The following CRYBG2 variants were observed in gnomAD, a reference collection of about 807,000 sequenced individuals.
The protein encoded by CRYBG2 is crystallin beta-gamma domain containing 2, also known as beta/gamma crystallin domain-containing protein 2.
In CRYBG2, 106 loss-of-function variants were observed where a neutral mutation model predicts 153.4. The ratio of observed to expected loss-of-function variants is 0.69; its 90% CI spans 0.59 to 0.81. The LOEUF is 0.81. CRYBG2 is among the 30% of genes least tolerant of loss of function. The probability of loss-of-function intolerance (pLI) is 0.00; values close to 1 mark genes in which losing one functional copy is unlikely to be tolerated. For missense variants in CRYBG2, 1,996 were observed against 2,112.0 expected, an observed-to-expected ratio of 0.95 and a Z score of 1.08; for synonymous variants, 851 against 877.8, an observed-to-expected ratio of 0.97 and a Z score of 0.54.
chr1:26,327,264 G>A lies in CRYBG2; in HGVS notation c.4578+945C>T, dbSNP rs143086258. Among the ~76,000 whole-genome samples, 683 of 151,986 alleles carry A rather than the reference G, an allele frequency of 4.5e-3. 6 individuals carry two copies. The highest frequency in any genetic ancestry group is 0.016 in the African/African-American group (644 of 41,462). Reference sequence around the variant, plus strand: ...TGGGCAGATCACAAGTCAGGCGTTCGAGACCAACCTGGCCAATTACAGTGA... The same window carrying A: ...TGGGCAGATCACAAGTCAGGCGTTCAAGACCAACCTGGCCAATTACAGTGA... On this transcript the variant is annotated intron_variant, in intron 17 of 19. Transcript: ENST00000308182.
intron 18 of CRYBG2, 114 bp downstream of exon 18, chr1:26,324,038 G>C: frequency 6.2e-6 from 7 of 1,135,098 alleles, no homozygotes; most frequent in Non-Finnish European, 7.5e-6. Flanking sequence ...CTCTCCCCAG[G>C]GTCCTGGCTT....
rs1368634513 is a variant in CRYBG2, at chr1:26,322,182, G to C, written c.4879C>G (p.Gln1627Glu). ...GHICSQMFEG[Q>E]ILDVKGGRGY... ...ACCTTACCCTTCACGTCCAGGATCT[G>C]GCCTTCGAACATCTGGCTGCAGATG... is the stretch of plus-strand genomic sequence containing the variant. The change falls in exon 19 of 20, where the codon CAG becomes GAG. Residue 1627 changes from glutamine (Q) to glutamate (E), a missense_variant. Physicochemically the swap from Gln to Glu is conservative, Grantham distance 29. Coordinates refer to ENST00000308182, the MANE Select transcript of CRYBG2 (RefSeq NM_001039775.4). The C allele has an allele frequency of 6.2e-7, 1 of 1,614,044 alleles. No individual in the cohort carries two copies. The highest frequency in any genetic ancestry group is 1.3e-5 in the African/African-American group (1 of 75,054).
At chr1:26,322,128 C>T (rs1456705661) in intron 19 of CRYBG2, 36 bp downstream of exon 19, 3 of 1,602,752 alleles carry the variant, frequency 1.9e-6, no homozygotes, top group Non-Finnish European at 8.5e-7. Flanking sequence ...CTCTCAGCCC[C>T]CTCAGGAGCC....
chr1:26,330,821 G>A (rs899248644), intron 15 of CRYBG2, among the ~76,000 whole-genome samples: 3 of 152,086 alleles, frequency 2.0e-5, no homozygotes, highest in East Asian at 1.9e-4. Flanking sequence ...TTACAGGCAT[G>A]AGCCACCACA....
At chr1:26,335,884 G>C (rs1307270192) in intron 14 of CRYBG2, among the ~76,000 whole-genome samples, 1 of 152,154 alleles carries the variant, frequency 6.6e-6, no homozygotes, top group African/African-American at 2.4e-5. Context: ...ATTTAAAAGA[G>C]CACACGGATA....
chr1:26,334,331 G>C, intron 14 of CRYBG2, among the ~76,000 whole-genome samples: 1 of 152,104 alleles, frequency 6.6e-6, no homozygotes, highest in East Asian at 1.9e-4. Context: ...GGCTGAAGTA[G>C]GAGAATCCCT....
At chr1:26,347,284 G>GTTTGTT (rs2074234325) in intron 1 of CRYBG2, among the ~76,000 whole-genome samples, 1 of 73,876 alleles carries the variant, frequency 1.4e-5, no homozygotes, top group African/African-American at 5.4e-5. Flanking sequence ...CTCCCCCTGC[G>GTTTGTT]TTTTTTTTTT....
At chr1:26,353,983 C>G (rs375929198) in intron 1 of CRYBG2, 53 bp downstream of exon 1, 3 of 399,340 alleles carry the variant, frequency 7.5e-6, no homozygotes. Context: ...GGCAAAGTCT[C>G]AAGACAGGGC....
Position 26,328,816 on chromosome 1 carries a change from TCTC to T in CRYBG2, c.4369_4371del (p.Glu1457del). 2 of 1,614,000 alleles carry T rather than the reference TCTC, an allele frequency of 1.2e-6. No homozygotes were observed. Among genetic ancestry groups the T allele is most frequent in the Non-Finnish European group, 1.7e-6 (2 of 1,179,998 alleles). Reference sequence around the variant, plus strand: ...CTCCGCACCTCCCTGCTGAGCTCGATCTCCTTCCCCTCGAAGCACTCGAGTCCA... The same window carrying T: ...CTCCGCACCTCCCTGCTGAGCTCGATCTTCCCCTCGAAGCACTCGAGTCCA... On this transcript the variant is annotated inframe_deletion, in exon 16 of 20. Transcript: ENST00000308182.
At position 26,342,902 on chromosome 1, in the gene CRYBG2, C is replaced by T; in HGVS notation, c.3075-19G>A. 6.2e-7 allele frequency: 1 copy of T among 1,613,704 alleles called. No homozygotes were observed. Among genetic ancestry groups the T allele is most frequent in the Non-Finnish European group, 8.5e-7 (1 of 1,179,802 alleles). ...CACCCAGCTGTGGGCACAGAGATTC[C>T]AGGATCACAGATGGGGAGGAGGATG... On this transcript the variant is annotated intron_variant, in intron 4 of 19. Coordinates refer to ENST00000308182, the MANE Select transcript of CRYBG2 (RefSeq NM_001039775.4).
At chr1:26,334,203 GC>G (rs1198079429) in intron 14 of CRYBG2, among the ~76,000 whole-genome samples, 1 of 152,158 alleles carries the variant, frequency 6.6e-6, no homozygotes, top group East Asian at 1.9e-4. Flanking sequence ...AGGGAGGATT[GC>G]TTGAGCCCAG....
intron 14 of CRYBG2, among the ~76,000 whole-genome samples, chr1:26,333,767 T>C (rs1308609374): frequency 6.6e-6 from 1 of 152,204 alleles, no homozygotes; most frequent in African/African-American, 2.4e-5. Flanking sequence ...CCACACAGAC[T>C]ATGGTATTTT....
chr1:26,347,290 T>G (rs992926525), intron 1 of CRYBG2, among the ~76,000 whole-genome samples: 5 of 132,208 alleles, frequency 3.8e-5, no homozygotes, highest in African/African-American at 5.8e-5. Flanking sequence ...CTGCGTTTTT[T>G]TTTTTTTTTT....
At chr1:26,323,775 C>T (rs556463018) in intron 18 of CRYBG2, among the ~76,000 whole-genome samples, 1 of 152,216 alleles carries the variant, frequency 6.6e-6, no homozygotes, top group African/African-American at 2.4e-5. Context: ...CCACCACACC[C>T]AGTTAATTTT....
intron 18 of CRYBG2, 78 bp downstream of exon 18, chr1:26,324,074 A>T: frequency 6.7e-7 from 1 of 1,488,254 alleles, no homozygotes; most frequent in Non-Finnish European, 9.2e-7. Context: ...TGTGTTCCTG[A>T]TTGGGCTGGG....
In CRYBG2 at chr1:26,336,823, G is replaced by A; in HGVS notation, c.3911+18C>T. ...GCTCGCCCGGGCCCGCCCCGCTCCC[G>A]GAGCCCGGGTCACTTACACGCCGCT... is the stretch of plus-strand genomic sequence containing the variant. On this transcript the variant is annotated intron_variant, in intron 11 of 19. Transcript: ENST00000308182. This position sits in a 1 kb window ranked among gnomAD's most constrained non-coding sequence, Gnocchi z 4.9. The A allele has an allele frequency of 2.5e-6, 4 of 1,573,988 alleles. No individual in the cohort carries two copies. The highest frequency in any genetic ancestry group is 3.4e-6 in the Non-Finnish European group (4 of 1,161,786).
chr1:26,342,505 T>C (rs2074142751), intron 5 of CRYBG2, among the ~76,000 whole-genome samples: 1 of 152,150 alleles, frequency 6.6e-6, no homozygotes. Context: ...GTTCAAGTAA[T>C]TCTCCTGCCT....
intron 16 of CRYBG2, 109 bp downstream of exon 16, chr1:26,328,624 TG>T: frequency 6.9e-7 from 1 of 1,449,086 alleles, no homozygotes; most frequent in South Asian, 1.3e-5. Flanking sequence ...TGGAGGGGAG[TG>T]GGGGAAAAGT....
At chr1:26,328,489 G>T in intron 16 of CRYBG2, 157 bp from the exon 17 acceptor site, 1 of 1,245,714 alleles carries the variant, frequency 8.0e-7, no homozygotes, top group Admixed American at 2.6e-5. Context: ...GGCGGAGAGG[G>T]AGGCTGGGAA....
Sources: allele counts gnomAD v4.1 joint callset (sites outside exome capture counted in the v4.1 genomes callset), GRCh38; gene constraint gnomAD v4.1.1; non-coding constraint Gnocchi (gnomAD v3.1); transcripts MANE v1.5; gene names NCBI Gene and HGNC (gene_info 2026-07-23, HGNC 2026-07-21).